Variants in NFE2L2 observed in about 807,000 individuals in gnomAD.
NFE2L2 encodes the protein NFE2 like bZIP transcription factor 2.
A neutral mutation model predicts 49.6 loss-of-function variants in NFE2L2; 20 were observed. That is an observed-to-expected ratio of 0.40 (90% CI 0.28 to 0.59). The LOEUF is 0.59. Ranked by LOEUF, NFE2L2 falls within the 20% of genes least tolerant of loss-of-function variation. The pLI, the probability that NFE2L2 is intolerant of heterozygous loss-of-function variation, is 0.40. For synonymous variants in NFE2L2, 244 were observed against 256.5 expected (o/e 0.95, Z 0.47); for missense variants, 578 against 714.2 (o/e 0.81, Z 2.17).
intron 1 of NFE2L2, among the ~76,000 whole-genome samples, chr2:177,251,073 T>C (rs181502240): frequency 2.6e-4 from 39 of 152,310 alleles, no homozygotes; most frequent in East Asian, 1.7e-3. Flanking sequence ...AATAAAAGAA[T>C]AGAAGATGAG....
At chr2:177,254,403 C>T (rs1690445480) in intron 1 of NFE2L2, among the ~76,000 whole-genome samples, 2 of 152,182 alleles carry the variant, frequency 1.3e-5, no homozygotes, top group African/African-American at 4.8e-5. Flanking sequence ...CTACAAAAAA[C>T]AAGAAAGTAA....
At chr2:177,238,256 A>G (rs1199502050) in intron 1 of NFE2L2, among the ~76,000 whole-genome samples, 1 of 152,216 alleles carries the variant, frequency 6.6e-6, no homozygotes, top group Admixed American at 6.5e-5. Context: ...ATGCAACTGA[A>G]GCAATTTAGG....
chr2:177,252,526 AAG>A (rs913349187), intron 1 of NFE2L2, among the ~76,000 whole-genome samples: 22 of 152,330 alleles, frequency 1.4e-4, no homozygotes, highest in Middle Eastern at 3.4e-3. Flanking sequence ...AAATCAATCT[AAG>A]AGAGGGGCAA....
intron 1 of NFE2L2, among the ~76,000 whole-genome samples, chr2:177,262,022 TC>T (rs1317377249): frequency 6.6e-6 from 1 of 152,066 alleles, no homozygotes; most frequent in African/African-American, 2.4e-5. Context: ...GAGTCAGTTT[TC>T]CCCCCAACAT....
intron 1 of NFE2L2, among the ~76,000 whole-genome samples, chr2:177,241,786 T>C (rs1260152657): frequency 1.3e-5 from 2 of 152,180 alleles, no homozygotes; most frequent in Non-Finnish European, 2.9e-5. Context: ...GCCCAGGAGA[T>C]GAAGGTTGCA....
Position 177,230,737 on chromosome 2 carries a change from A to G in NFE2L2, c.*48T>C. ...TCACATCACAGTAGGAGCTTTTAGT[A>G]TAATAGTACAAAAAAACTAGCTCAG... On this transcript the variant is annotated 3_prime_UTR_variant, in exon 5 of 5. Coordinates refer to ENST00000397062, the MANE Select transcript of NFE2L2 (RefSeq NM_006164.5). 1 of 1,526,016 alleles carries G rather than the reference A, an allele frequency of 6.6e-7. No individual in the cohort carries two copies. The highest frequency in any genetic ancestry group is 1.4e-5 in the South Asian group (1 of 73,632). The allele number at this position is 1,526,016 out of a possible 1,614,324, so 94.5% of individuals were successfully genotyped here. A position where few individuals can be genotyped will look rare whatever the true frequency, so the allele number is the denominator to read the frequency against.
At chr2:177,263,178 T>A (rs530743078) in intron 1 of NFE2L2, among the ~76,000 whole-genome samples, 1 of 152,270 alleles carries the variant, frequency 6.6e-6, no homozygotes, top group Non-Finnish European at 1.5e-5. Flanking sequence ...AGAAACTTCT[T>A]TTCACTTTTA....
intron 1 of NFE2L2, among the ~76,000 whole-genome samples, chr2:177,248,717 CTTTT>C (rs895276233): frequency 1.3e-5 from 2 of 152,136 alleles, no homozygotes; most frequent in Admixed American, 1.3e-4. Flanking sequence ...CCTCTGTACT[CTTTT>C]TTTTATTTTT....
At position 177,252,517 on chromosome 2, in the gene NFE2L2, A is replaced by T. The variant is rs564247460; in HGVS notation, c.45+12015T>A. On this transcript the variant is annotated intron_variant, in intron 1 of 4. Coordinates refer to ENST00000397062, the MANE Select transcript of NFE2L2 (RefSeq NM_006164.5). Reference sequence around the variant, plus strand: ...CTGTTAGAATTTACTAAAAATAGTAAATCAATCTAAGAGAGGGGCAAAAAG... The same window carrying T: ...CTGTTAGAATTTACTAAAAATAGTATATCAATCTAAGAGAGGGGCAAAAAG... Among the ~76,000 whole-genome samples the T allele has an allele frequency of 1.3e-5, 2 of 152,310 alleles. 1 individual carries two copies. Among genetic ancestry groups the T allele is most frequent in the South Asian group, 4.1e-4 (2 of 4,832 alleles).
intron 1 of NFE2L2, among the ~76,000 whole-genome samples, chr2:177,243,742 T>G (rs1690019322): frequency 6.6e-6 from 1 of 152,180 alleles, no homozygotes; most frequent in Non-Finnish European, 1.5e-5. Flanking sequence ...TGGCCCCAAC[T>G]GATCCTCCTG....
chr2:177,248,750 C>T (rs902750038), intron 1 of NFE2L2, among the ~76,000 whole-genome samples: 3 of 152,140 alleles, frequency 2.0e-5, no homozygotes, highest in South Asian at 2.1e-4. Context: ...TTTCCTTCTC[C>T]AACCCACAAG....
chr2:177,251,812 T>C (rs950444431), intron 1 of NFE2L2, among the ~76,000 whole-genome samples: 17 of 151,648 alleles, frequency 1.1e-4, no homozygotes, highest in African/African-American at 4.1e-4. Flanking sequence ...GAGACCATCC[T>C]GGCTAACACG....
chr2:177,256,499 C>CAAA (rs35073132), intron 1 of NFE2L2, among the ~76,000 whole-genome samples: 1,057 of 73,346 alleles, frequency 0.014, 10 homozygotes, highest in Middle Eastern at 0.022. Context: ...TACATTCTTG[C>CAAA]AAAAAAAAAA....
At position 177,234,984 on chromosome 2, in the gene NFE2L2, T is replaced by C. The variant is rs911578956; in HGVS notation, c.46-713A>G. ...TACAAAAATCAGCCGGGTGTGGTGG[T>C]ACGTGCCTGTAATCCCAGCTACTCA... On this transcript the variant is annotated intron_variant, in intron 1 of 4. Transcript: ENST00000397062. Among the ~76,000 whole-genome samples the C allele has an allele frequency of 5.9e-5, 9 of 151,964 alleles. No homozygotes were observed. The South Asian group carries it at 1.5e-3, about 24-fold the overall frequency.
intron 1 of NFE2L2, among the ~76,000 whole-genome samples, chr2:177,242,945 C>G (rs1689992558): frequency 6.7e-6 from 1 of 150,182 alleles, no homozygotes; most frequent in Non-Finnish European, 1.5e-5. Flanking sequence ...GAGTAGGATA[C>G]TGCTGCTAGG....
At position 177,249,376 on chromosome 2, in the gene NFE2L2, G is replaced by A. The variant is rs578153049; in HGVS notation, c.46-15105C>T. Among the ~76,000 whole-genome samples the A allele has an allele frequency of 6.6e-5, 10 of 152,294 alleles. No homozygotes were observed. In the South Asian group the frequency reaches 1.9e-3, roughly 28 times the overall value. ...CTGGGATCCAGTCCCCATCTGGGAG[G>A]AGGTCAGTCATTTTATTGTAGCCTC... On this transcript the variant is annotated intron_variant, in intron 1 of 4. Transcript: ENST00000397062.
chr2:177,259,908 G>T (rs891153651), intron 1 of NFE2L2, among the ~76,000 whole-genome samples: 1 of 152,060 alleles, frequency 6.6e-6, no homozygotes, highest in Non-Finnish European at 1.5e-5. Context: ...CTCCAGCCTG[G>T]GCGACAGAGC....
chr2:177,256,499 CAAAAA>C (rs35073132), intron 1 of NFE2L2, among the ~76,000 whole-genome samples: 19 of 75,090 alleles, frequency 2.5e-4, no homozygotes, highest in Non-Finnish European at 3.4e-4. Context: ...TACATTCTTG[CAAAAA>C]AAAAAAAAAA....
At chr2:177,234,648 G>C (rs1194988402) in intron 1 of NFE2L2, among the ~76,000 whole-genome samples, 1 of 152,228 alleles carries the variant, frequency 6.6e-6, no homozygotes, top group African/African-American at 2.4e-5. Context: ...TTATATAAGA[G>C]AAGTGGGGTC....
Sources: gnomAD v4.1 joint callset for allele counts (sites outside exome capture counted in the v4.1 genomes callset) on GRCh38, gnomAD v4.1.1 for gene constraint, MANE v1.5 for transcripts, NCBI Gene and HGNC (gene_info 2026-07-23, HGNC 2026-07-21) for gene names.